TMEM35A: variants seen among roughly 807,000 people sequenced by gnomAD.
TMEM35A encodes nicotinic acetylcholine receptor chaperone.
For missense variants in TMEM35A, 83 were observed against 132.7 expected (o/e 0.63, Z 1.84); for synonymous variants, 50 against 54.7 (o/e 0.91, Z 0.38).
intron 1 of TMEM35A, 136 bp downstream of exon 1, chrX:101,079,258 T>C (rs1466139948): frequency 2.5e-6 from 2 of 791,150 alleles, no homozygotes; most frequent in Non-Finnish European, 3.5e-6. Flanking sequence ...TCAACAACTT[T>C]GCAGCTCGGA....
At chrX:101,084,312 T>G (rs928834193) in intron 1 of TMEM35A, among the ~76,000 whole-genome samples, 1 of 111,536 alleles carries the variant, frequency 9.0e-6, no homozygotes, top group Admixed American at 9.6e-5. Context: ...GCTTTATTTC[T>G]TACAGAGATT....
intron 1 of TMEM35A, among the ~76,000 whole-genome samples, chrX:101,087,564 T>C (rs1418422547): frequency 1.8e-5 from 2 of 111,876 alleles, no homozygotes; most frequent in Non-Finnish European, 3.8e-5. Flanking sequence ...TTCTACTAAA[T>C]GGAGAGAAAA....
intron 1 of TMEM35A, among the ~76,000 whole-genome samples, chrX:101,084,630 C>T (rs2089301791): frequency 1.8e-5 from 2 of 111,400 alleles, no homozygotes; most frequent in South Asian, 7.4e-4. Flanking sequence ...TTTGGGAGGC[C>T]AAGGTGGGTG....
In TMEM35A at chrX:101,078,959, T is replaced by A; in HGVS notation, c.-44T>A. The A allele has an allele frequency of 8.3e-7, 1 of 1,208,619 alleles. No individual in the cohort carries two copies. The highest frequency in any genetic ancestry group is 1.1e-6 in the Non-Finnish European group (1 of 894,032). On this transcript the variant is annotated 5_prime_UTR_variant, in exon 1 of 2. Coordinates refer to ENST00000372930, the MANE Select transcript of TMEM35A (RefSeq NM_021637.3). ...CTGCCTGCACCTTGGACAGAGCGGG[T>A]GCGCAAATCAGAAGGATTAGTTGGG... is the stretch of plus-strand genomic sequence containing the variant.
chrX:101,084,056 C>T (rs746021036), intron 1 of TMEM35A, among the ~76,000 whole-genome samples: 3 of 108,739 alleles, frequency 2.8e-5, no homozygotes, highest in African/African-American at 1.0e-4. Flanking sequence ...GGCATGGTGG[C>T]GCATGCCTGT....
At chrX:101,088,812 G>A (rs1461427099) in intron 1 of TMEM35A, among the ~76,000 whole-genome samples, 1 of 110,817 alleles carries the variant, frequency 9.0e-6, no homozygotes, top group Non-Finnish European at 1.9e-5. Context: ...GGCTGAGGCA[G>A]GAGAATCGCT....
chrX:101,088,134 G>C (rs2089312897), intron 1 of TMEM35A, among the ~76,000 whole-genome samples: 1 of 111,716 alleles, frequency 9.0e-6, no homozygotes, highest in South Asian at 3.7e-4. Context: ...GGAGACAGAG[G>C]TTGCAGTGAA....
intron 1 of TMEM35A, among the ~76,000 whole-genome samples, chrX:101,087,123 AT>A (rs1241396531): frequency 2.7e-5 from 3 of 110,204 alleles, no homozygotes; most frequent in Admixed American, 1.9e-4. Context: ...CACCCAGCTA[AT>A]GTTGTATTTT....
chrX:101,093,972 T>C (rs1422022708), intron 1 of TMEM35A, among the ~76,000 whole-genome samples: 1 of 111,763 alleles, frequency 8.9e-6, no homozygotes, highest in Non-Finnish European at 1.9e-5. Context: ...ATGGACATAA[T>C]CATTTCCCAA....
chrX:101,090,169 C>CTTTTTTTTTTTT (rs771239790), intron 1 of TMEM35A, among the ~76,000 whole-genome samples: 1 of 97,527 alleles, frequency 1.0e-5, no homozygotes, highest in African/African-American at 4.4e-5. Context: ...TTCTTTCTTT[C>CTTTTTTTTTTTT]TTTTTTTTTT....
intron 1 of TMEM35A, among the ~76,000 whole-genome samples, chrX:101,080,948 G>A (rs56224327): frequency 9.1e-6 from 1 of 110,353 alleles, no homozygotes; most frequent in African/African-American, 3.3e-5. Flanking sequence ...TGGAGTCACC[G>A]GGAAGCTTCC....
chrX:101,080,854 C>T (rs143759617), intron 1 of TMEM35A, among the ~76,000 whole-genome samples: 1 of 109,844 alleles, frequency 9.1e-6, no homozygotes, highest in Non-Finnish European at 1.9e-5. Flanking sequence ...TCCCTGCCCT[C>T]CAGACCCTAG....
intron 1 of TMEM35A, among the ~76,000 whole-genome samples, chrX:101,090,474 T>A (rs1249219692): frequency 9.1e-6 from 1 of 109,622 alleles, no homozygotes; most frequent in Admixed American, 9.9e-5. Flanking sequence ...GGCCTCTCTT[T>A]CCATTTTTTA....
At chrX:101,079,466 A>G (rs2089285523) in intron 1 of TMEM35A, among the ~76,000 whole-genome samples, 1 of 111,467 alleles carries the variant, frequency 9.0e-6, no homozygotes. Flanking sequence ...CAACCAGTAT[A>G]CAAGTCTGAT....
In TMEM35A at chrX:101,078,966, A is replaced by G; in HGVS notation, c.-37A>G. 8.3e-7 allele frequency: 1 copy of G among 1,209,992 alleles called. No homozygotes were observed. The highest frequency in any genetic ancestry group is 1.1e-6 in the Non-Finnish European group (1 of 894,758). The stretch of plus-strand genomic sequence containing the variant: ...CACCTTGGACAGAGCGGGTGCGCAA[A>G]TCAGAAGGATTAGTTGGGACCTGCC... On this transcript the variant is annotated 5_prime_UTR_variant, in exon 1 of 2. Transcript: ENST00000372930.
intron 1 of TMEM35A, 155 bp from the exon 2 acceptor site, chrX:101,094,418 T>G: frequency 2.0e-6 from 1 of 488,042 alleles, no homozygotes; most frequent in Non-Finnish European, 3.1e-6. Context: ...CCTGGCCTCT[T>G]AGTTTAATTA....
At chrX:101,094,123 ATT>A (rs1248678416) in intron 1 of TMEM35A, among the ~76,000 whole-genome samples, 1 of 104,835 alleles carries the variant, frequency 9.5e-6, no homozygotes. Flanking sequence ...TTGTGTTTGG[ATT>A]TTTTTTTTTT....
intron 1 of TMEM35A, among the ~76,000 whole-genome samples, chrX:101,080,774 G>A (rs762072561): frequency 9.0e-6 from 1 of 110,869 alleles, no homozygotes; most frequent in South Asian, 3.9e-4. Context: ...TTATATATTT[G>A]TGTGTGTGCA....
At chrX:101,080,488 A>G (rs2089288797) in intron 1 of TMEM35A, among the ~76,000 whole-genome samples, 1 of 110,989 alleles carries the variant, frequency 9.0e-6, no homozygotes, top group South Asian at 3.8e-4. Context: ...CCAGTGGCAA[A>G]TCCTTACATG....
Sources: allele counts gnomAD v4.1 joint callset (sites outside exome capture counted in the v4.1 genomes callset), GRCh38; gene constraint gnomAD v4.1.1; transcripts MANE v1.5; gene names NCBI Gene and HGNC (gene_info 2026-07-23, HGNC 2026-07-21).